The following CEP78 variants were observed in gnomAD, a reference collection of about 807,000 sequenced individuals.
CEP78 encodes the protein centrosomal protein of 78 kDa.
Under a neutral mutation model 81.2 loss-of-function variants are expected in CEP78, and 76 were observed. The ratio of observed to expected loss-of-function variants is 0.94; its 90% CI spans 0.78 to 1.13. The LOEUF is 1.13. Ranked by LOEUF, CEP78 falls within the 50% of genes most tolerant of loss-of-function variation. The pLI is 0.00. For synonymous variants in CEP78, 293 were observed against 301.4 expected (o/e 0.97, Z 0.29); for missense variants, 918 against 846.8 (o/e 1.08, Z -1.04).
rs200072743 is a variant in CEP78 at position 78,248,299 on chromosome 9, A to G, written c.901A>G (p.Met301Val). ...IRKNPLIDHS[M>V]MKAVIKKVLQ... ...TTTTTATTTTACTTTAGATCATTCT[A>G]TGATGAAAGCAGTTATCAAAAAAGT... The change falls in exon 7 of 17, where the codon ATG (methionine) becomes GTG (valine). Residue 301 changes from methionine (M) to valine (V), a missense_variant. Coordinates refer to ENST00000643273, the MANE Select transcript of CEP78 (RefSeq NM_001330691.3). 6.0e-4 allele frequency: 921 copies of G among 1,542,068 alleles called. No homozygotes were observed. Among genetic ancestry groups the G allele is most frequent in the Non-Finnish European group, 7.8e-4 (869 of 1,114,812 alleles).
chr9:78,255,167 CAT>C (rs1018320374), intron 11 of CEP78, among the ~76,000 whole-genome samples: 3 of 152,030 alleles, frequency 2.0e-5, no homozygotes, highest in African/African-American at 7.2e-5. Flanking sequence ...AAAATTGAAA[CAT>C]GTCATCAGTA....
At chr9:78,238,388 A>G (rs1826063968) in intron 1 of CEP78, among the ~76,000 whole-genome samples, 1 of 152,210 alleles carries the variant, frequency 6.6e-6, no homozygotes, top group African/African-American at 2.4e-5. Context: ...TCTGGGCCCA[A>G]GATTTAGGCT....
In CEP78 at chr9:78,236,328, T is replaced by C. The variant is rs973947175; in HGVS notation, c.-23T>C. The C allele has an allele frequency of 3.2e-6, 5 of 1,544,054 alleles. No homozygotes were observed. The highest frequency in any genetic ancestry group is 4.3e-6 in the Non-Finnish European group (5 of 1,150,436). ...GCGGGCGGCGTCTCCGCGGCGGGCA[T>C]CCCCCGAGGCCGCCCTCGGGCCATG... On this transcript the variant is annotated 5_prime_UTR_variant, in exon 1 of 17. Transcript: ENST00000643273.
chr9:78,247,904 T>C (rs553482888), intron 6 of CEP78, among the ~76,000 whole-genome samples: 1 of 152,286 alleles, frequency 6.6e-6, no homozygotes, highest in East Asian at 1.9e-4. Context: ...AAAAGGAGGC[T>C]GTGGAGAAGA....
Position 78,253,232 on chromosome 9 carries a change from G to A in CEP78, c.1206G>A (p.Arg402=), listed in dbSNP as rs1826847602. The A allele has an allele frequency of 7.7e-7, 1 of 1,294,998 alleles. No individual in the cohort carries two copies. Among genetic ancestry groups the A allele is most frequent in the Non-Finnish European group, 1.1e-6 (1 of 905,168 alleles). The allele number at this position is 1,294,998 out of a possible 1,614,324, so 80.2% of individuals were successfully genotyped here. The change falls in exon 10 of 17, where the codon AGG becomes AGA. Residue 402 remains arginine, a splice_region_variant and synonymous_variant. Transcript: ENST00000643273. ...ACTTAATTTATCGATATCTTTTTAG[G>A]GGTTTCCCATTAATCAAAACACGTG... ...WRTAERAKRH[R]GFPLIKTRDI...
rs1410082217 is a variant in CEP78 at position 78,274,595 on chromosome 9, TCTC to T, written c.*3747_*3749del. On this transcript the variant is annotated 3_prime_UTR_variant, in exon 17 of 17. Transcript: ENST00000643273. Reference sequence around the variant, plus strand: ...TATCCATGATGAATACAAAGTATATTCTCCTGGAAAACCAATAGAACATTCATA... The same window carrying T: ...TATCCATGATGAATACAAAGTATATTCTGGAAAACCAATAGAACATTCATA... 1 of 152,140 alleles carries T rather than the reference TCTC, an allele frequency of 6.6e-6. No individual in the cohort carries two copies. The highest frequency in any genetic ancestry group is 1.9e-4 in the East Asian group (1 of 5,198). The allele number at this position is 152,140 out of a possible 1,614,324, so 9.4% of individuals were successfully genotyped here.
rs571107095 is a variant in CEP78, at chr9:78,266,761, G to A, written c.2107+58G>A. The A allele has an allele frequency of 2.5e-6, 4 of 1,593,472 alleles. No homozygotes were observed. The South Asian group carries it at 4.6e-5, about 18-fold the overall frequency. The stretch of plus-strand genomic sequence containing the variant: ...CACCCTGGAAAGGACCTGCATTCCT[G>A]ATCTGACTGTCCTGAAAACCAGAAA... On this transcript the variant is annotated intron_variant, in intron 16 of 16. Transcript: ENST00000643273.
chr9:78,248,769 G>C lies in CEP78; in HGVS notation c.965G>C (p.Trp322Ser). Residue 322 changes from tryptophan to serine, a missense_variant, in exon 8 of 17, where the codon TGG becomes TCG. By Grantham distance (177) the Trp-to-Ser change is radical (BLOSUM62 -3). Transcript: ENST00000643273. ...NGRSAKSEYQ[W>S]ITSPSVKEPS... ...TTATTCTGTCTCTTTTAGTACCAGTGGATAACTTCTCCATCAGTGAAGGAA... is the reference window on the plus strand; with the variant it reads ...TTATTCTGTCTCTTTTAGTACCAGTCGATAACTTCTCCATCAGTGAAGGAA... 1 of 1,549,700 alleles carries C rather than the reference G, an allele frequency of 6.5e-7. No homozygotes were observed. The highest frequency in any genetic ancestry group is 2.3e-5 in the East Asian group (1 of 44,038).
chr9:78,254,914 A>G lies in CEP78; in HGVS notation c.1330A>G (p.Ser444Gly), dbSNP rs1334481586. 1 of 1,611,252 alleles carries G rather than the reference A, an allele frequency of 6.2e-7. No homozygotes were observed. The highest frequency in any genetic ancestry group is 1.3e-5 in the African/African-American group (1 of 74,850). ...TGAAGAGGTTGATGATTCTTCAGAG[A>G]GTGTTCATGAAGTGCCTGAGAAAAC... is the stretch of plus-strand genomic sequence containing the variant. Reference protein sequence around the residue: ...EVEEVDDSSESVHEVPEKTSI... With the variant: ...EVEEVDDSSEGVHEVPEKTSI... The change falls in exon 11 of 17, where the codon AGT becomes GGT. Residue 444 changes from serine to glycine, a missense_variant. Physicochemically the swap from Ser to Gly is moderately conservative, Grantham distance 56. Coordinates refer to ENST00000643273, the MANE Select transcript of CEP78 (RefSeq NM_001330691.3).
Position 78,243,590 on chromosome 9 carries a change from T to C in CEP78, c.732T>C (p.Gly244=), listed in dbSNP as rs928120838. The part of the protein sequence containing the change: ...LNCNTLIGDL[G]ACAFADSLSE... ...GCAACACACTTATTGGTGACCTAGG[T>C]GCATGTGCTTTTGCAGACTCTCTCA... The change falls in exon 5 of 17, where the codon GGT becomes GGC. Residue 244 remains glycine (G), a synonymous_variant. Coordinates refer to ENST00000643273, the MANE Select transcript of CEP78 (RefSeq NM_001330691.3). The C allele has an allele frequency of 1.9e-6, 3 of 1,613,762 alleles. No individual in the cohort carries two copies. In the African/African-American group the frequency reaches 4.0e-5, roughly 22 times the overall value.
At chr9:78,255,810 G>C (rs1052026788) in intron 11 of CEP78, among the ~76,000 whole-genome samples, 2 of 152,118 alleles carry the variant, frequency 1.3e-5, no homozygotes, top group Non-Finnish European at 2.9e-5. Flanking sequence ...AAGTTCCAGA[G>C]GAAAAACAAA....
chr9:78,247,985 A>T (rs1826576607), intron 6 of CEP78, among the ~76,000 whole-genome samples: 1 of 152,166 alleles, frequency 6.6e-6, no homozygotes, highest in African/African-American at 2.4e-5. Context: ...AAGTATCTGG[A>T]CAGTGTTTAG....
intron 3 of CEP78, among the ~76,000 whole-genome samples, chr9:78,241,071 G>A (rs971372439): frequency 6.6e-6 from 1 of 152,196 alleles, no homozygotes; most frequent in African/African-American, 2.4e-5. Context: ...GTGCTGTATA[G>A]GAGCATATAA....
At position 78,254,978 on chromosome 9, in the gene CEP78, A is replaced by G. The variant is rs754892121; in HGVS notation, c.1380+14A>G. 1 of 1,598,930 alleles carries G rather than the reference A, an allele frequency of 6.3e-7. No individual in the cohort carries two copies. The highest frequency in any genetic ancestry group is 2.3e-5 in the East Asian group (1 of 44,264). On this transcript the variant is annotated intron_variant, in intron 11 of 16. Coordinates refer to ENST00000643273, the MANE Select transcript of CEP78 (RefSeq NM_001330691.3). ...GAAGCATTACAGGTACAAAGCTATC[A>G]CTTTAAAGATATGGAGAAGATCATT...
intron 11 of CEP78, among the ~76,000 whole-genome samples, chr9:78,259,994 G>T (rs1427982425): frequency 6.6e-6 from 1 of 152,150 alleles, no homozygotes; most frequent in Non-Finnish European, 1.5e-5. Context: ...ATTATTTATT[G>T]GTTGTCTGCT....
In CEP78 at chr9:78,279,635, T is replaced by G. The variant is rs1827866065; in HGVS notation, c.*8784T>G. The G allele has an allele frequency of 6.6e-6, 1 of 152,204 alleles. No individual in the cohort carries two copies. Among genetic ancestry groups the G allele is most frequent in the Non-Finnish European group, 1.5e-5 (1 of 68,040 alleles). The allele number at this position is 152,204 out of a possible 1,614,324, so 9.4% of individuals were successfully genotyped here. On this transcript the variant is annotated 3_prime_UTR_variant, in exon 17 of 17. Transcript: ENST00000643273. ...CTTTGCATCTTTCCCACACAAATATTATTCCACAAATATTTATTGTCACCA... is the reference window on the plus strand; with the variant it reads ...CTTTGCATCTTTCCCACACAAATATGATTCCACAAATATTTATTGTCACCA...
rs953948102 is a variant in CEP78 at position 78,256,537 on chromosome 9, T to A, written c.1380+1573T>A. 5.7e-4 allele frequency among the ~76,000 whole-genome samples: 82 copies of A among 142,846 alleles called. 1 individual carries two copies. Among genetic ancestry groups the A allele is most frequent in the South Asian group, 4.8e-3 (20 of 4,172 alleles). The allele number at this position is 142,846 out of a possible 152,430, so 93.7% of individuals were successfully genotyped here. On this transcript the variant is annotated intron_variant, in intron 11 of 16. Coordinates refer to ENST00000643273, the MANE Select transcript of CEP78 (RefSeq NM_001330691.3). ...CTCTGCTCCCTTATTTTTTTTTTTTTTTTTTTTTTTTTTGAGATGGAGTCT... is the reference window on the plus strand; with the variant it reads ...CTCTGCTCCCTTATTTTTTTTTTTTATTTTTTTTTTTTTGAGATGGAGTCT...
chr9:78,261,348 A>G (rs1827265441), intron 11 of CEP78, among the ~76,000 whole-genome samples: 1 of 152,182 alleles, frequency 6.6e-6, no homozygotes, highest in Non-Finnish European at 1.5e-5. Flanking sequence ...ATAACATTTG[A>G]TATTTCTGGG....
chr9:78,236,200 T>C lies in CEP78; in HGVS notation c.-151T>C. 1.5e-6 allele frequency: 1 copy of C among 677,292 alleles called. No homozygotes were observed. Among genetic ancestry groups the C allele is most frequent in the Non-Finnish European group, 2.4e-6 (1 of 418,308 alleles). The allele number at this position is 677,292 out of a possible 1,614,324, so 42.0% of individuals were successfully genotyped here. ...TAGCTTGGGGCTCTGGCCTTGCGTC[T>C]TCCGACCGAATCACCGCTCCTGAGC... On this transcript the variant is annotated 5_prime_UTR_variant, in exon 1 of 17. Coordinates refer to ENST00000643273, the MANE Select transcript of CEP78 (RefSeq NM_001330691.3).
Sources: gnomAD v4.1 joint callset for allele counts (sites outside exome capture counted in the v4.1 genomes callset) on GRCh38, gnomAD v4.1.1 for gene constraint, MANE v1.5 for transcripts, NCBI Gene and HGNC (gene_info 2026-07-23, HGNC 2026-07-21) for gene names.